Variants in RBFOX1 observed in about 807,000 individuals in gnomAD.
RBFOX1 encodes RNA binding protein fox-1 homolog 1.
A neutral mutation model predicts 57.7 loss-of-function variants in RBFOX1; 8 were observed. That is an observed-to-expected ratio of 0.14 (90% CI 0.08 to 0.25). RBFOX1 has a LOEUF of 0.25. Among genes scored for constraint, RBFOX1 ranks in the 10% least tolerant of loss-of-function variants. The pLI is 1.00. For missense variants in RBFOX1, 611 were observed against 548.5 expected (o/e 1.11, Z -1.14); for synonymous variants, 326 against 222.4 (o/e 1.47, Z -4.15).
chr16:6,362,011 A>G (rs1305804191), intron 2 of RBFOX1, among the ~76,000 whole-genome samples: 4 of 152,180 alleles, frequency 2.6e-5, no homozygotes, highest in Admixed American at 2.0e-4. Flanking sequence ...CAAAGCCTTC[A>G]TGCTCAAGGA....
chr16:6,485,797 G>T (rs891441891), intron 2 of RBFOX1, among the ~76,000 whole-genome samples: 2 of 152,020 alleles, frequency 1.3e-5, no homozygotes, highest in Non-Finnish European at 1.5e-5. Context: ...TTTTACATTT[G>T]TCTCTTAAAA....
intron 3 of RBFOX1, among the ~76,000 whole-genome samples, chr16:6,934,560 T>A (rs983497028): frequency 1.3e-5 from 2 of 152,150 alleles, no homozygotes; most frequent in Non-Finnish European, 2.9e-5. Context: ...AGAAGGAATT[T>A]TTTAAAAAGA....
intron 1 of RBFOX1, among the ~76,000 whole-genome samples, chr16:5,382,866 G>C (rs2066164316): frequency 6.6e-6 from 1 of 152,086 alleles, no homozygotes; most frequent in African/African-American, 2.4e-5. Flanking sequence ...CCATTTTATG[G>C]GTAGGAAAAT....
intron 1 of RBFOX1, among the ~76,000 whole-genome samples, chr16:5,407,807 C>T (rs943997694): frequency 6.6e-6 from 1 of 152,184 alleles, no homozygotes; most frequent in Non-Finnish European, 1.5e-5. Context: ...CCCCGGCCTC[C>T]CAAAGTGCTG....
intron 3 of RBFOX1, among the ~76,000 whole-genome samples, chr16:6,931,133 T>G (rs1000447382): frequency 2.6e-5 from 4 of 152,146 alleles, no homozygotes; most frequent in African/African-American, 9.7e-5. Context: ...GGTTGTAGTT[T>G]TAAGAAAAAT....
intron 3 of RBFOX1, among the ~76,000 whole-genome samples, chr16:5,771,195 T>C (rs2053965359): frequency 6.6e-6 from 1 of 152,236 alleles, no homozygotes; most frequent in Non-Finnish European, 1.5e-5. Context: ...GGCTACCCCA[T>C]AGGCAGATAG....
intron 3 of RBFOX1, among the ~76,000 whole-genome samples, chr16:5,661,408 C>G (rs778114823): frequency 3.0e-4 from 45 of 152,154 alleles, no homozygotes; most frequent in Non-Finnish European, 2.5e-4. Context: ...TATGTATCCA[C>G]TGTAGAAACC....
rs749825145 is a variant in RBFOX1, at chr16:6,648,039, C to T, written c.-63-6564C>T. Among the ~76,000 whole-genome samples, 3 of 152,162 alleles carry T rather than the reference C, an allele frequency of 2.0e-5. No individual in the cohort carries two copies. In the East Asian group the frequency reaches 5.8e-4, roughly 30 times the overall value. On this transcript the variant is annotated intron_variant, in intron 2 of 15. Coordinates refer to ENST00000550418, the MANE Select transcript of RBFOX1 (RefSeq NM_018723.4). ...GTATTTTTAGTAGAGACAGGGGTTT[C>T]ATTTTCTTGCCCAGACAGGTCTCAA...
At chr16:5,675,711 G>T (rs1294009173) in intron 3 of RBFOX1, among the ~76,000 whole-genome samples, 1 of 152,188 alleles carries the variant, frequency 6.6e-6, no homozygotes, top group East Asian at 1.9e-4. Flanking sequence ...CCATCTGTCA[G>T]GGAGGGATAG....
At chr16:7,653,792 C>G (rs112329850) in intron 11 of RBFOX1, 23 bp from the exon 12 acceptor site, 3 of 1,607,250 alleles carry the variant, frequency 1.9e-6, no homozygotes, top group East Asian at 2.2e-5. Context: ...TGCTCTCTCT[C>G]TCTCTCTCCT....
chr16:6,821,036 C>T (rs1177315650), intron 3 of RBFOX1, among the ~76,000 whole-genome samples: 1 of 152,156 alleles, frequency 6.6e-6, no homozygotes, highest in African/African-American at 2.4e-5. Context: ...CTTAACCCTA[C>T]AAAACAGATT....
intron 3 of RBFOX1, among the ~76,000 whole-genome samples, chr16:6,943,797 T>C (rs2078987479): frequency 6.6e-6 from 1 of 152,098 alleles, no homozygotes; most frequent in African/African-American, 2.4e-5. Context: ...TCATAGACTG[T>C]TAAGTGTTCA....
In RBFOX1 at chr16:7,134,912, G is replaced by A. The variant is rs1290141790; in HGVS notation, c.27+82814G>A. Among the ~76,000 whole-genome samples, 3 of 151,830 alleles carry A rather than the reference G, an allele frequency of 2.0e-5. No homozygotes were observed. In the East Asian group the frequency reaches 5.8e-4, roughly 29 times the overall value. ...AGCATTCTTTGGCTTTATGGTGGTT[G>A]CCGTTGAATTTATCTTTTTTTTTTT... On this transcript the variant is annotated intron_variant, in intron 4 of 15. Transcript: ENST00000550418.
chr16:5,692,804 A>G (rs963860726), intron 3 of RBFOX1, among the ~76,000 whole-genome samples: 1 of 152,090 alleles, frequency 6.6e-6, no homozygotes, highest in Admixed American at 6.5e-5. Context: ...TCCAGGCAAG[A>G]GGGTTGTGCT....
intron 4 of RBFOX1, among the ~76,000 whole-genome samples, chr16:7,146,617 C>T (rs183873140): frequency 2.0e-3 from 300 of 152,204 alleles, no homozygotes; most frequent in African/African-American, 7.0e-3. Context: ...GCATATTCTT[C>T]AGCACTCCAG....
intron 4 of RBFOX1, among the ~76,000 whole-genome samples, chr16:7,352,679 G>T (rs1340074383): frequency 6.6e-6 from 1 of 151,992 alleles, no homozygotes; most frequent in Non-Finnish European, 1.5e-5. Context: ...TCTTGTCCTG[G>T]ATCTGCCCCT....
chr16:5,292,781 G>A (rs1259571723), intron 1 of RBFOX1, among the ~76,000 whole-genome samples: 4 of 151,926 alleles, frequency 2.6e-5, no homozygotes, highest in African/African-American at 9.7e-5. Flanking sequence ...GTGTCACCAC[G>A]CCCGGCTAAT....
At chr16:6,882,283 G>A (rs2063106193) in intron 3 of RBFOX1, among the ~76,000 whole-genome samples, 1 of 152,166 alleles carries the variant, frequency 6.6e-6, no homozygotes, top group South Asian at 2.1e-4. Flanking sequence ...GGATGATGGG[G>A]AGGAACAACC....
intron 4 of RBFOX1, among the ~76,000 whole-genome samples, chr16:7,096,587 C>A (rs952927344): frequency 6.6e-6 from 1 of 152,032 alleles, no homozygotes; most frequent in South Asian, 2.1e-4. Flanking sequence ...AACATCCAAC[C>A]CTGTGTAAAA....
Sources: allele counts gnomAD v4.1 joint callset (sites outside exome capture counted in the v4.1 genomes callset), GRCh38; gene constraint gnomAD v4.1.1; transcripts MANE v1.5; gene names NCBI Gene and HGNC (gene_info 2026-07-23, HGNC 2026-07-21).